Variants in VPS13C observed in about 807,000 individuals in gnomAD.
VPS13C encodes the protein intermembrane lipid transfer protein VPS13C.
Under a neutral mutation model 456.8 loss-of-function variants are expected in VPS13C, and 358 were observed. The observed-to-expected ratio is 0.78, with a 90% CI of 0.72 to 0.86. The LOEUF is 0.86. Among genes scored for constraint, VPS13C ranks in the 40% least tolerant of loss-of-function variants. The pLI is 0.00. For synonymous variants in VPS13C, 1,578 were observed against 1,486.7 expected, an observed-to-expected ratio of 1.06 and a Z score of -1.41; for missense variants, 4,818 against 4,385.4, an observed-to-expected ratio of 1.10 and a Z score of -2.79.
Position 62,013,124 on chromosome 15 carries a change from A to C in VPS13C, c.745-5T>G. ...AAGACTATCAAGTCGTATAAGCTAT[A>C]AGAGAAAAATGAAAGAGATCAGGCA... On this transcript the variant is annotated splice_polypyrimidine_tract_variant and splice_region_variant and intron_variant, in intron 10 of 84. Coordinates refer to ENST00000644861, the MANE Select transcript of VPS13C (RefSeq NM_020821.3). 6.3e-7 allele frequency: 1 copy of C among 1,594,774 alleles called. No homozygotes were observed. Among genetic ancestry groups the C allele is most frequent in the Non-Finnish European group, 8.5e-7 (1 of 1,170,566 alleles).
At chr15:61,995,388 C>A (rs1011867296) in intron 16 of VPS13C, among the ~76,000 whole-genome samples, 20 of 152,198 alleles carry the variant, frequency 1.3e-4, no homozygotes, top group African/African-American at 4.8e-4. Flanking sequence ...TCCACCCCAC[C>A]ACCATAATCT....
At chr15:61,883,462 T>C (rs765785316) in intron 68 of VPS13C, among the ~76,000 whole-genome samples, 3 of 152,140 alleles carry the variant, frequency 2.0e-5, no homozygotes, top group African/African-American at 4.8e-5. Flanking sequence ...CTGGGGAATG[T>C]AACTGGTGAC....
rs1894053812 is a variant in VPS13C, at chr15:61,858,565, T to TATATACC, written c.10953-2157_10953-2156insGGTATAT. The stretch of plus-strand genomic sequence containing the variant: ...CCCAACCCTGGTATATATCTCTGTA[T>TATATACC]AGTGCCCTGGACTTTGAATATAATG... On this transcript the variant is annotated intron_variant, in intron 82 of 84. Transcript: ENST00000644861. The surrounding 1 kb of genome is among the most constrained non-coding windows in gnomAD (Gnocchi z 4.4). Among the ~76,000 whole-genome samples the TATATACC allele has an allele frequency of 2.0e-5, 3 of 152,178 alleles. No homozygotes were observed. The highest frequency in any genetic ancestry group is 2.9e-5 in the Non-Finnish European group (2 of 68,030).
chr15:61,872,612 T>C (rs1039012528), intron 78 of VPS13C, among the ~76,000 whole-genome samples: 4 of 152,076 alleles, frequency 2.6e-5, no homozygotes, highest in Non-Finnish European at 5.9e-5. Flanking sequence ...TAATACATTT[T>C]TAATCATTAT....
chr15:61,989,887 T>C (rs180979751), intron 18 of VPS13C, among the ~76,000 whole-genome samples: 43 of 152,294 alleles, frequency 2.8e-4, no homozygotes, highest in African/African-American at 9.6e-4. Flanking sequence ...TCATATCCTA[T>C]GACTCAGCAA....
intron 49 of VPS13C, among the ~76,000 whole-genome samples, chr15:61,932,702 T>G (rs1036462914): frequency 6.6e-6 from 1 of 152,294 alleles, no homozygotes; most frequent in Non-Finnish European, 1.5e-5. Flanking sequence ...GTTGATGCAA[T>G]TGGGTCAGAA....
At position 61,969,320 on chromosome 15, in the gene VPS13C, A is replaced by T; in HGVS notation, c.2890T>A (p.Leu964Met). ...TVVSYLKKIS[L>M]DYHEIEGSKR... ...TTACCTTCAATTTCATGATAATCCA[A>T]GCTGATTTTCTTTAAATAAGATACC... The change falls in exon 28 of 85, where the codon TTG becomes ATG. Residue 964 changes from leucine to methionine, a missense_variant. By Grantham distance (15) the Leu-to-Met change is conservative. Coordinates refer to ENST00000644861, the MANE Select transcript of VPS13C (RefSeq NM_020821.3). The T allele has an allele frequency of 1.2e-6, 2 of 1,600,460 alleles. No homozygotes were observed. Among genetic ancestry groups the T allele is most frequent in the Non-Finnish European group, 1.7e-6 (2 of 1,174,562 alleles).
chr15:61,922,620 A>G lies in VPS13C; in HGVS notation c.6752T>C (p.Phe2251Ser). Residue 2251 changes from phenylalanine (F) to serine (S), a missense_variant, in exon 54 of 85, where the codon TTT becomes TCT. By Grantham distance (155) the Phe-to-Ser change is radical. Coordinates refer to ENST00000644861, the MANE Select transcript of VPS13C (RefSeq NM_020821.3). ...IKSINDYNTWFLGVDTATEIT... is the reference protein window; with the variant it reads ...IKSINDYNTWSLGVDTATEIT... ...TTCTGTTGCCGTGTCAACACCAAGA[A>G]ACCAAGTGTTATAATCATTAATCGA... 1 of 1,614,070 alleles carries G rather than the reference A, an allele frequency of 6.2e-7. No homozygotes were observed. Among genetic ancestry groups the G allele is most frequent in the Non-Finnish European group, 8.5e-7 (1 of 1,179,976 alleles).
At chr15:61,878,477 C>A (rs1895618205) in intron 74 of VPS13C, 130 bp downstream of exon 74, 8 of 1,207,400 alleles carry the variant, frequency 6.6e-6, no homozygotes, top group Middle Eastern at 2.0e-4. Context: ...ACAAATGAAC[C>A]AAATTCTCCA....
At chr15:61,973,862 C>T (rs906769405) in intron 25 of VPS13C, among the ~76,000 whole-genome samples, 7 of 151,982 alleles carry the variant, frequency 4.6e-5, no homozygotes, top group African/African-American at 1.7e-4. Flanking sequence ...GTCCTTGGCA[C>T]AGGGTATCAT....
intron 18 of VPS13C, among the ~76,000 whole-genome samples, chr15:61,988,931 A>G (rs578256068): frequency 2.4e-4 from 37 of 152,352 alleles, no homozygotes; most frequent in African/African-American, 8.9e-4. Context: ...ATCTAAATAC[A>G]TAAAGTAAGA....
rs780081183 is a variant in VPS13C, at chr15:61,920,313, C to T, written c.7231G>A (p.Ala2411Thr). ...NLAKGFSEGT[A>T]STFDYSLKDR... ...TTTAAAGAGTAGTCAAAAGTAGAAG[C>T]AGTGCCCTCTGAAAAACCCTGAAAA... The change falls in exon 57 of 85, where the codon GCT becomes ACT. Residue 2411 changes from alanine to threonine, a missense_variant. This residue lies in a region of VPS13C where 4,552 missense variants were observed against 4,130.6 expected (regional missense o/e 1.10). Coordinates refer to ENST00000644861, the MANE Select transcript of VPS13C (RefSeq NM_020821.3). The T allele has an allele frequency of 2.5e-6, 4 of 1,599,622 alleles. No individual in the cohort carries two copies. The South Asian group carries it at 3.3e-5, about 13-fold the overall frequency.
chr15:62,055,897 A>C (rs1185518767), intron 1 of VPS13C, among the ~76,000 whole-genome samples: 1 of 152,182 alleles, frequency 6.6e-6, no homozygotes, highest in Non-Finnish European at 1.5e-5. Context: ...GAGCTGGACA[A>C]TTCGCTGCAG....
chr15:62,004,341 G>A (rs2046751004), intron 15 of VPS13C, among the ~76,000 whole-genome samples: 1 of 151,986 alleles, frequency 6.6e-6, no homozygotes, highest in South Asian at 2.1e-4. Context: ...ATGGTAGTTT[G>A]TATTTCTGTG....
At chr15:61,969,026 AATC>A (rs1481257615) in intron 28 of VPS13C, among the ~76,000 whole-genome samples, 2 of 152,116 alleles carry the variant, frequency 1.3e-5, no homozygotes, top group African/African-American at 4.8e-5. Context: ...CCAGGGTTTT[AATC>A]ATGGTTCAGT....
intron 38 of VPS13C, among the ~76,000 whole-genome samples, chr15:61,952,469 A>G (rs572529892): frequency 6.6e-6 from 1 of 152,300 alleles, no homozygotes; most frequent in African/African-American, 2.4e-5. Flanking sequence ...AATATATATT[A>G]CAAAGAATAT....
Position 61,922,179 on chromosome 15 carries a change from C to T in VPS13C, c.6976-146G>A, listed in dbSNP as rs2043679988. On this transcript the variant is annotated intron_variant, in intron 54 of 84. Coordinates refer to ENST00000644861, the MANE Select transcript of VPS13C (RefSeq NM_020821.3). The stretch of plus-strand genomic sequence containing the variant: ...TCTAACAATATATAGAGTGTATTTT[C>T]CTTTACTCTCTTACTCTATTGTCAT... 20 of 1,043,158 alleles carry T rather than the reference C, an allele frequency of 1.9e-5. No homozygotes were observed. The South Asian group carries it at 3.1e-4, about 16-fold the overall frequency. The allele number at this position is 1,043,158 out of a possible 1,614,324, so 64.6% of individuals were successfully genotyped here.
rs1240992484 is a variant in VPS13C at position 61,882,728 on chromosome 15, A to G, written c.9492T>C (p.Phe3164=). The change falls in exon 69 of 85, where the codon TTT becomes TTC. Residue 3164 remains phenylalanine, a synonymous_variant. Coordinates refer to ENST00000644861, the MANE Select transcript of VPS13C (RefSeq NM_020821.3). ...GGCGCATTTCCATTGGATCTTTATC[A>G]AAATTGACCTAGAAAAAAAGCACAT... ...IKLDNNFEVN[F]DKDPMEMRLP... 1 of 1,589,290 alleles carries G rather than the reference A, an allele frequency of 6.3e-7. No homozygotes were observed. Among genetic ancestry groups the G allele is most frequent in the Admixed American group, 1.8e-5 (1 of 54,934 alleles).
chr15:62,048,255 C>CA (rs1230407620), intron 1 of VPS13C, among the ~76,000 whole-genome samples: 1 of 68,388 alleles, frequency 1.5e-5, no homozygotes, highest in South Asian at 7.3e-4. Flanking sequence ...TCCCTCCCCC[C>CA]ACCCCCCCCA....
Sources: allele counts gnomAD v4.1 joint callset (sites outside exome capture counted in the v4.1 genomes callset), GRCh38; gene constraint gnomAD v4.1.1; regional missense constraint gnomAD v4.1.1; non-coding constraint Gnocchi (gnomAD v3.1); transcripts MANE v1.5; gene names NCBI Gene and HGNC (gene_info 2026-07-23, HGNC 2026-07-21).